NRXN1: variants seen among roughly 807,000 people sequenced by gnomAD.
The protein encoded by NRXN1 is neurexin-1.
NRXN1 carries 39 observed loss-of-function variants against 150.9 expected under a neutral mutation model. The observed-to-expected ratio is 0.26, with a 90% CI of 0.20 to 0.34. The LOEUF (loss-of-function observed/expected upper bound fraction) is 0.34, where lower values mean the gene tolerates loss of function less well. Ranked by LOEUF, NRXN1 falls within the 10% of genes least tolerant of loss-of-function variation. The pLI, the probability that NRXN1 is intolerant of heterozygous loss-of-function variation, is 1.00. For synonymous variants in NRXN1, 924 were observed against 757.0 expected (o/e 1.22, Z -3.62); for missense variants, 1,815 against 1,949.9 (o/e 0.93, Z 1.30).
chr2:50,703,412 G>A (rs1308015582), intron 5 of NRXN1, among the ~76,000 whole-genome samples: 1 of 152,278 alleles, frequency 6.6e-6, no homozygotes, highest in African/African-American at 2.4e-5. Flanking sequence ...AGGGAAGGGA[G>A]CAACCTTAGC....
At chr2:50,776,576 A>G (rs1272747011) in intron 5 of NRXN1, among the ~76,000 whole-genome samples, 1 of 151,376 alleles carries the variant, frequency 6.6e-6, no homozygotes, top group African/African-American at 2.4e-5. Flanking sequence ...GTGTATATAT[A>G]TAATATTATA....
chr2:50,124,087 G>T (rs1356262832), intron 18 of NRXN1, among the ~76,000 whole-genome samples: 2 of 152,018 alleles, frequency 1.3e-5, no homozygotes, highest in Non-Finnish European at 2.9e-5. Context: ...ACCAGAGAAG[G>T]AGACCAAGGA....
chr2:50,664,815 T>C (rs559643807), intron 5 of NRXN1, among the ~76,000 whole-genome samples: 124 of 151,638 alleles, frequency 8.2e-4, no homozygotes, highest in Non-Finnish European at 1.6e-3. Flanking sequence ...CTGTAGGATA[T>C]ATTTCAGTCT....
At chr2:50,975,619 A>G (rs899771191) in intron 2 of NRXN1, among the ~76,000 whole-genome samples, 2 of 151,966 alleles carry the variant, frequency 1.3e-5, no homozygotes, top group East Asian at 1.9e-4. Flanking sequence ...ATTTAACACT[A>G]TTTTCTGCTA....
At chr2:50,221,750 G>A (rs1467954492) in intron 18 of NRXN1, among the ~76,000 whole-genome samples, 1 of 151,808 alleles carries the variant, frequency 6.6e-6, no homozygotes, top group Non-Finnish European at 1.5e-5. Flanking sequence ...ACTTCCTTTC[G>A]ATTTAATATT....
intron 17 of NRXN1, among the ~76,000 whole-genome samples, chr2:50,302,106 G>GA (rs5831111): frequency 0.54 from 82,233 of 151,346 alleles, 22,614 homozygotes; most frequent in Non-Finnish European, 0.57. Context: ...AGATATGTAG[G>GA]AAAAAAAATG....
chr2:50,746,678 C>T (rs906391610), intron 5 of NRXN1, among the ~76,000 whole-genome samples: 1 of 152,104 alleles, frequency 6.6e-6, no homozygotes, highest in African/African-American at 2.4e-5. Flanking sequence ...GCTGCTTTTC[C>T]CTTTCTTTTC....
intron 17 of NRXN1, among the ~76,000 whole-genome samples, chr2:50,354,299 G>A (rs2153003658): frequency 6.6e-6 from 1 of 151,576 alleles, no homozygotes; most frequent in African/African-American, 2.4e-5. Flanking sequence ...TCTTTTATTT[G>A]TTGCCTTACC....
intron 17 of NRXN1, among the ~76,000 whole-genome samples, chr2:50,328,461 G>A (rs1052333217): frequency 6.6e-6 from 1 of 152,124 alleles, no homozygotes; most frequent in African/African-American, 2.4e-5. Flanking sequence ...CTTCGGTTGG[G>A]TGTGGTGGCT....
At chr2:50,200,306 C>T (rs1047523915) in intron 18 of NRXN1, among the ~76,000 whole-genome samples, 1 of 152,138 alleles carries the variant, frequency 6.6e-6, no homozygotes. Flanking sequence ...TTAGTATCAT[C>T]TCTGCTGCTT....
At chr2:50,353,245 T>C (rs146327201) in intron 17 of NRXN1, among the ~76,000 whole-genome samples, 13 of 152,262 alleles carry the variant, frequency 8.5e-5, no homozygotes, top group African/African-American at 3.1e-4. Context: ...GGTGCTTAAG[T>C]ACCAAGTCAG....
intron 17 of NRXN1, among the ~76,000 whole-genome samples, chr2:50,352,806 A>AATG (rs2078522185): frequency 6.7e-6 from 1 of 149,250 alleles, no homozygotes; most frequent in African/African-American, 2.5e-5. Context: ...TAATAATAAT[A>AATG]ATGCCAGGCT....
chr2:50,960,180 C>T (rs1692918922), intron 2 of NRXN1, among the ~76,000 whole-genome samples: 1 of 151,872 alleles, frequency 6.6e-6, no homozygotes, highest in African/African-American at 2.4e-5. Flanking sequence ...TATTTATCTC[C>T]ATAAAAAGGT....
intron 17 of NRXN1, among the ~76,000 whole-genome samples, chr2:50,271,995 G>A (rs997896525): frequency 1.3e-5 from 2 of 152,068 alleles, no homozygotes; most frequent in Non-Finnish European, 2.9e-5. Context: ...CCTCCAAGGG[G>A]GGGTCACACA....
chr2:50,153,343 A>ATT (rs896366955), intron 18 of NRXN1, among the ~76,000 whole-genome samples: 33 of 144,470 alleles, frequency 2.3e-4, no homozygotes, highest in African/African-American at 8.4e-4. Context: ...CACAGTTTCT[A>ATT]TTTTTTTTTC....
At chr2:50,907,763 T>C (rs1425938156) in intron 5 of NRXN1, among the ~76,000 whole-genome samples, 11 of 152,062 alleles carry the variant, frequency 7.2e-5, no homozygotes, top group Admixed American at 7.2e-4. Context: ...AGAAAGCAGA[T>C]TCTTTGCAAG....
chr2:50,873,025 CT>C (rs1410035099), intron 5 of NRXN1, among the ~76,000 whole-genome samples: 1 of 151,688 alleles, frequency 6.6e-6, no homozygotes, highest in East Asian at 2.0e-4. Context: ...TAATTTCCCA[CT>C]CCCCCATATG....
At chr2:50,583,927 T>A (rs1336873427) in intron 8 of NRXN1, among the ~76,000 whole-genome samples, 2 of 152,210 alleles carry the variant, frequency 1.3e-5, no homozygotes, top group Non-Finnish European at 2.9e-5. Flanking sequence ...ATTCCTCACC[T>A]TGACCCCAAG....
chr2:50,957,435 G>T (rs1414828363), intron 2 of NRXN1, among the ~76,000 whole-genome samples: 1 of 152,088 alleles, frequency 6.6e-6, no homozygotes, highest in Non-Finnish European at 1.5e-5. Context: ...GATATTACCG[G>T]CATTTACTGA....
Sources: gnomAD v4.1 joint callset for allele counts (sites outside exome capture counted in the v4.1 genomes callset) on GRCh38, gnomAD v4.1.1 for gene constraint, MANE v1.5 for transcripts, NCBI Gene and HGNC (gene_info 2026-07-23, HGNC 2026-07-21) for gene names.